ZNF573: variants seen among roughly 807,000 people sequenced by gnomAD.
The protein encoded by ZNF573 is zinc finger protein 573.
A neutral mutation model predicts 57.4 loss-of-function variants in ZNF573; 41 were observed. The ratio of observed to expected loss-of-function variants is 0.71; its 90% CI spans 0.56 to 0.93. ZNF573 has a LOEUF of 0.93. Among genes scored for constraint, ZNF573 ranks in the 40% least tolerant of loss-of-function variants. The pLI is 0.00. For missense variants in ZNF573, 730 were observed against 794.8 expected (o/e 0.92, Z 0.98); for synonymous variants, 249 against 261.0 (o/e 0.95, Z 0.44).
chr19:37,773,857 A>C, intron 1 of ZNF573, 106 bp from the exon 2 acceptor site: 1 of 670,194 alleles, frequency 1.5e-6, no homozygotes, highest in East Asian at 2.9e-5. Context: ...AACTGAACAT[A>C]TAACTTAGGG....
At chr19:37,768,725 G>A (rs1210433733) in intron 4 of ZNF573, among the ~76,000 whole-genome samples, 1 of 151,972 alleles carries the variant, frequency 6.6e-6, no homozygotes, top group Admixed American at 6.6e-5. Context: ...GAGTGCAGTG[G>A]CGCAATCTCA....
chr19:37,745,381 C>G (rs149586240), intron 4 of ZNF573, among the ~76,000 whole-genome samples: 1 of 151,672 alleles, frequency 6.6e-6, no homozygotes, highest in East Asian at 1.9e-4. Context: ...CTGCATTCAG[C>G]CAAGACTTTA....
chr19:37,739,086 T>C lies in ZNF573; in HGVS notation c.1404A>G (p.Lys468=), dbSNP rs150282268. The change falls in exon 5 of 5, where the codon AAA becomes AAG. Residue 468 remains lysine, a synonymous_variant. Transcript: ENST00000536220. ...TCCCACATTCCTGACATTCAAAAAG[T>C]TTCTTACCAGTGTGAATATTCTGAT... ...TRHQNIHTGK[K]LFECQECGKA... is the part of the protein sequence containing the mutation. The C allele has an allele frequency of 3.1e-6, 5 of 1,613,146 alleles. No individual in the cohort carries two copies. In the African/African-American group the frequency reaches 6.7e-5, roughly 22 times the overall value.
chr19:37,763,219 C>T (rs2145315290), intron 4 of ZNF573, among the ~76,000 whole-genome samples: 1 of 151,338 alleles, frequency 6.6e-6, no homozygotes, highest in Admixed American at 6.7e-5. Context: ...CCACAGGGTG[C>T]TGAGCACCAA....
At chr19:37,749,519 T>G (rs1162242652) in intron 4 of ZNF573, among the ~76,000 whole-genome samples, 1 of 152,016 alleles carries the variant, frequency 6.6e-6, no homozygotes, top group Non-Finnish European at 1.5e-5. Flanking sequence ...AAAGCAGATG[T>G]AAATACATAT....
intron 4 of ZNF573, among the ~76,000 whole-genome samples, chr19:37,746,864 G>A (rs1284406727): frequency 3.9e-5 from 6 of 152,150 alleles, no homozygotes; most frequent in Non-Finnish European, 2.9e-5. Context: ...GATTACAGGC[G>A]TGAGCCACCG....
At position 37,738,730 on chromosome 19, in the gene ZNF573, C is replaced by CG. The variant is rs1008609025; in HGVS notation, c.1759_1760insC (p.Cys587SerfsTer6). 9 of 1,613,680 alleles carry CG rather than the reference C, an allele frequency of 5.6e-6. No homozygotes were observed. Among genetic ancestry groups the CG allele is most frequent in the Non-Finnish European group, 7.6e-6 (9 of 1,179,892 alleles). On this transcript the variant is annotated frameshift_variant, in exon 5 of 5. Transcript: ENST00000536220. LOFTEE classifies it high-confidence loss of function. ...GCCATACATTTTAAAGGCCTTTCCA[C>CG]ATTCTTTACATTCATAGGGTTTTTT...
At chr19:37,755,001 G>A (rs933851944) in intron 4 of ZNF573, among the ~76,000 whole-genome samples, 8 of 151,948 alleles carry the variant, frequency 5.3e-5, no homozygotes, top group African/African-American at 7.2e-5. Flanking sequence ...ACAGAGTCTC[G>A]CTCTGTCTCC....
chr19:37,749,438 T>A (rs936707563), intron 4 of ZNF573, among the ~76,000 whole-genome samples: 1 of 152,044 alleles, frequency 6.6e-6, no homozygotes, highest in African/African-American at 2.4e-5. Context: ...TATAAAATTA[T>A]TTTTAACCAA....
chr19:37,763,345 G>T (rs1208035015), intron 4 of ZNF573, among the ~76,000 whole-genome samples: 1 of 151,944 alleles, frequency 6.6e-6, no homozygotes, highest in Non-Finnish European at 1.5e-5. Context: ...CACTTTGGGA[G>T]GCCGTGGTGG....
chr19:37,766,583 T>C (rs1180136922), intron 4 of ZNF573, among the ~76,000 whole-genome samples: 1 of 152,240 alleles, frequency 6.6e-6, no homozygotes, highest in African/African-American at 2.4e-5. Context: ...GGTGTCTTCA[T>C]CTTTACCTAA....
At chr19:37,740,812 T>C in intron 4 of ZNF573, 1 of 310,768 alleles carries the variant, frequency 3.2e-6, no homozygotes, top group Non-Finnish European at 6.3e-6. Context: ...CTTAAGTCCC[T>C]GATATAAAAT....
intron 4 of ZNF573, among the ~76,000 whole-genome samples, chr19:37,751,751 C>CAT (rs1483055279): frequency 9.1e-6 from 1 of 109,610 alleles, no homozygotes; most frequent in African/African-American, 3.3e-5. Context: ...TACATAGTAC[C>CAT]GTATATACTG....
At chr19:37,771,518 CAT>C in intron 3 of ZNF573, 44 bp downstream of exon 3, 1 of 1,586,492 alleles carries the variant, frequency 6.3e-7, no homozygotes, top group South Asian at 1.1e-5. Flanking sequence ...TGAAAGGTAA[CAT>C]ATCACAGATC....
chr19:37,772,935 T>C lies in ZNF573; in HGVS notation c.69+726A>G, dbSNP rs1467821321. On this transcript the variant is annotated intron_variant, in intron 2 of 4. Coordinates refer to ENST00000536220, the MANE Select transcript of ZNF573 (RefSeq NM_001172690.2). Reference sequence around the variant, plus strand: ...CAGGTATGAGCCACCGTAGCTAGCCTACCTTCATATACTTTGTTGGACAGA... The same window carrying C: ...CAGGTATGAGCCACCGTAGCTAGCCCACCTTCATATACTTTGTTGGACAGA... 4.1e-6 allele frequency: 4 copies of C among 985,132 alleles called. No individual in the cohort carries two copies. In the South Asian group the frequency reaches 1.4e-4, roughly 35 times the overall value. 61.0% of individuals were successfully genotyped at this position (985,132 alleles called of 1,614,324 possible). A position where few individuals can be genotyped will look rare whatever the true frequency, so the allele number is the denominator to read the frequency against.
At chr19:37,747,949 G>T (rs2145287648) in intron 4 of ZNF573, among the ~76,000 whole-genome samples, 2 of 152,284 alleles carry the variant, frequency 1.3e-5, no homozygotes, top group Middle Eastern at 3.4e-3. Flanking sequence ...GCCTCCCAAA[G>T]TGCTGGGATT....
chr19:37,765,831 G>A (rs944709508), intron 4 of ZNF573, among the ~76,000 whole-genome samples: 10 of 152,102 alleles, frequency 6.6e-5, no homozygotes, highest in African/African-American at 2.4e-4. Flanking sequence ...CTGAGGTCAG[G>A]AGTTTGAGAC....
chr19:37,742,089 A>G (rs1222521227), intron 4 of ZNF573, among the ~76,000 whole-genome samples: 1 of 152,198 alleles, frequency 6.6e-6, no homozygotes, highest in African/African-American at 2.4e-5. Flanking sequence ...CTACAAAGAG[A>G]ATGAAATACG....
chr19:37,764,168 T>C (rs893868124), intron 4 of ZNF573, among the ~76,000 whole-genome samples: 1 of 151,922 alleles, frequency 6.6e-6, no homozygotes, highest in Non-Finnish European at 1.5e-5. Context: ...GAATAAGAGA[T>C]ACAGATCAAA....
Sources: gnomAD v4.1 joint callset for allele counts (sites outside exome capture counted in the v4.1 genomes callset) on GRCh38, gnomAD v4.1.1 for gene constraint, MANE v1.5 for transcripts, NCBI Gene and HGNC (gene_info 2026-07-23, HGNC 2026-07-21) for gene names.